Variants in SREK1IP1 observed in about 807,000 individuals in gnomAD.
The protein encoded by SREK1IP1 is protein SREK1IP1.
In SREK1IP1, 12 loss-of-function variants were observed where a neutral mutation model predicts 22.8. The observed-to-expected ratio is 0.53, with a 90% confidence interval of 0.34 to 0.85. SREK1IP1 has a LOEUF of 0.85. SREK1IP1 is among the 40% of genes least tolerant of loss of function. The probability of loss-of-function intolerance (pLI) is 0.02; values close to 1 mark genes in which losing one functional copy is unlikely to be tolerated. For synonymous variants in SREK1IP1, 53 were observed against 52.7 expected (o/e 1.01, Z -0.02); for missense variants, 147 against 171.8 (o/e 0.86, Z 0.81).
At chr5:64,754,248 T>C (rs1352512263) in intron 2 of SREK1IP1, 67 bp downstream of exon 2, 3 of 1,492,138 alleles carry the variant, frequency 2.0e-6, no homozygotes, top group Non-Finnish European at 2.8e-6. Context: ...TGCTACATTA[T>C]ATTGCCCAAA....
At chr5:64,739,896 T>C (rs143900699) in intron 3 of SREK1IP1, among the ~76,000 whole-genome samples, 84 of 152,216 alleles carry the variant, frequency 5.5e-4, no homozygotes, top group African/African-American at 1.9e-3. Context: ...TATGGAAAGC[T>C]TGATATTAAA....
chr5:64,765,833 T>C (rs1743024728), intron 1 of SREK1IP1, among the ~76,000 whole-genome samples: 1 of 152,252 alleles, frequency 6.6e-6, no homozygotes, highest in Non-Finnish European at 1.5e-5. Context: ...CTTAAAGTTT[T>C]ATGAGGGCAC....
intron 1 of SREK1IP1, among the ~76,000 whole-genome samples, chr5:64,761,295 T>C (rs1416838616): frequency 6.6e-6 from 1 of 152,100 alleles, no homozygotes; most frequent in African/African-American, 2.4e-5. Context: ...TGATGGAGAG[T>C]TGCTAAGAGG....
At position 64,723,027 on chromosome 5, in the gene SREK1IP1, A is replaced by G. The variant is rs1290543296; in HGVS notation, c.*1357T>C. The G allele has an allele frequency of 1.3e-5, 2 of 152,198 alleles. No homozygotes were observed. The highest frequency in any genetic ancestry group is 3.8e-4 in the East Asian group (2 of 5,198). 9.4% of individuals were successfully genotyped at this position (152,198 alleles called of 1,614,324 possible). A position where few individuals can be genotyped will look rare whatever the true frequency, so the allele number is the denominator to read the frequency against. On this transcript the variant is annotated 3_prime_UTR_variant, in exon 5 of 5. Coordinates refer to ENST00000513458, the MANE Select transcript of SREK1IP1 (RefSeq NM_173829.4). ...ATTTCTAAGCGCACCATAGTGAGGT[A>G]TTTGCAATCTTTGGTGCTGTGCCAT...
intron 2 of SREK1IP1, among the ~76,000 whole-genome samples, chr5:64,746,010 G>A (rs1187448593): frequency 6.6e-6 from 1 of 152,092 alleles, no homozygotes; most frequent in East Asian, 1.9e-4. Flanking sequence ...AGTTGGTACT[G>A]GCATAAGAAT....
At chr5:64,739,650 C>A (rs1436413114) in intron 3 of SREK1IP1, among the ~76,000 whole-genome samples, 1 of 152,122 alleles carries the variant, frequency 6.6e-6, no homozygotes, top group African/African-American at 2.4e-5. Context: ...AACTCAGTTT[C>A]TTTGCCCTTG....
At chr5:64,760,186 A>C (rs930695276) in intron 1 of SREK1IP1, among the ~76,000 whole-genome samples, 5 of 152,238 alleles carry the variant, frequency 3.3e-5, no homozygotes, top group Non-Finnish European at 5.9e-5. Flanking sequence ...AAAAAGAAAA[A>C]AAGCAAGGTG....
At chr5:64,754,428 T>C in intron 1 of SREK1IP1, 66 bp from the exon 2 acceptor site, 2 of 1,491,448 alleles carry the variant, frequency 1.3e-6, no homozygotes, top group African/African-American at 1.4e-5. Flanking sequence ...AACTTTATTG[T>C]ATGAAAAAAG....
In SREK1IP1 at chr5:64,724,941, A is replaced by G. The variant is rs190526104; in HGVS notation, c.279-368T>C. Among the ~76,000 whole-genome samples the G allele has an allele frequency of 4.0e-3, 607 of 152,300 alleles. 2 individuals carry two copies. The highest frequency in any genetic ancestry group is 0.014 in the African/African-American group (565 of 41,584). On this transcript the variant is annotated intron_variant, in intron 4 of 4. Coordinates refer to ENST00000513458, the MANE Select transcript of SREK1IP1 (RefSeq NM_173829.4). ...TATTATATTCACTTGTGTATACAAT[A>G]ACTTCGCATATTTTCTTAAAAGTGT... is the stretch of plus-strand genomic sequence containing the variant.
chr5:64,738,125 T>C (rs1169893200), intron 3 of SREK1IP1, among the ~76,000 whole-genome samples: 3 of 151,958 alleles, frequency 2.0e-5, no homozygotes, highest in Non-Finnish European at 4.4e-5. Context: ...CTTAAGAAAA[T>C]AAAATTACAG....
At chr5:64,742,104 A>AT (rs1010530845) in intron 2 of SREK1IP1, among the ~76,000 whole-genome samples, 1 of 151,956 alleles carries the variant, frequency 6.6e-6, no homozygotes, top group African/African-American at 2.4e-5. Flanking sequence ...TATACCTGCA[A>AT]TTTTTTCCTG....
chr5:64,726,892 G>T (rs1361403068), intron 4 of SREK1IP1, among the ~76,000 whole-genome samples: 12 of 152,128 alleles, frequency 7.9e-5, no homozygotes, highest in Admixed American at 7.9e-4. Context: ...TCATAAAGTT[G>T]AAAGATCATA....
chr5:64,754,107 A>C (rs559519205), intron 2 of SREK1IP1, among the ~76,000 whole-genome samples: 2 of 152,218 alleles, frequency 1.3e-5, no homozygotes, highest in African/African-American at 4.8e-5. Context: ...TAGTCATCAG[A>C]TACATAGCTA....
intron 4 of SREK1IP1, among the ~76,000 whole-genome samples, chr5:64,726,616 C>A (rs1057481826): frequency 6.6e-6 from 1 of 150,758 alleles, no homozygotes; most frequent in Non-Finnish European, 1.5e-5. Flanking sequence ...TGTACTTCAA[C>A]TTATGATGGA....
intron 3 of SREK1IP1, among the ~76,000 whole-genome samples, chr5:64,733,982 A>G (rs1742418100): frequency 6.6e-6 from 1 of 152,100 alleles, no homozygotes; most frequent in Non-Finnish European, 1.5e-5. Context: ...GGGCAAGAGA[A>G]AAGTGGATGT....
intron 3 of SREK1IP1, among the ~76,000 whole-genome samples, chr5:64,736,676 T>G (rs1311794000): frequency 6.6e-6 from 1 of 152,132 alleles, no homozygotes; most frequent in African/African-American, 2.4e-5. Flanking sequence ...TTGACCAGGC[T>G]GGTCTTGAAC....
At chr5:64,741,648 A>T (rs1458418017) in intron 2 of SREK1IP1, among the ~76,000 whole-genome samples, 1 of 148,986 alleles carries the variant, frequency 6.7e-6, no homozygotes, top group African/African-American at 2.4e-5. Context: ...TAAAGTTGGC[A>T]TAATAATATA....
chr5:64,751,878 C>A (rs1263432582), intron 2 of SREK1IP1, among the ~76,000 whole-genome samples: 3 of 152,194 alleles, frequency 2.0e-5, no homozygotes, highest in South Asian at 2.1e-4. Context: ...AAAAAAGTGA[C>A]AAATTTATAT....
intron 3 of SREK1IP1, among the ~76,000 whole-genome samples, chr5:64,730,670 T>G (rs752748098): frequency 6.6e-6 from 1 of 152,066 alleles, no homozygotes; most frequent in Admixed American, 6.5e-5. Flanking sequence ...ATTTTGTCAA[T>G]GAAAGAGGGA....
Sources: allele counts gnomAD v4.1 joint callset (sites outside exome capture counted in the v4.1 genomes callset), GRCh38; gene constraint gnomAD v4.1.1; transcripts MANE v1.5; gene names NCBI Gene and HGNC (gene_info 2026-07-23, HGNC 2026-07-21).